Variants in SCYL2 observed in about 807,000 individuals in gnomAD.
SCYL2 encodes the protein SCY1 like pseudokinase 2.
SCYL2 carries 36 observed loss-of-function variants against 100.4 expected under a neutral mutation model. The observed-to-expected ratio is 0.36, with a 90% CI of 0.27 to 0.47. The LOEUF is 0.47. SCYL2 is among the 20% of genes least tolerant of loss of function. The pLI, the probability that SCYL2 is intolerant of heterozygous loss-of-function variation, is 1.00. For missense variants in SCYL2, 902 were observed against 1,083.9 expected (o/e 0.83, Z 2.36); for synonymous variants, 330 against 359.2 (o/e 0.92, Z 0.92).
At chr12:100,291,940 T>G in intron 3 of SCYL2, 1 of 285,478 alleles carries the variant, frequency 3.5e-6, no homozygotes, top group Non-Finnish European at 6.4e-6. Context: ...TACAAGGGTA[T>G]AGAATACAGT....
chr12:100,328,039 A>C (rs1254827688), intron 12 of SCYL2, among the ~76,000 whole-genome samples: 1 of 152,110 alleles, frequency 6.6e-6, no homozygotes, highest in Non-Finnish European at 1.5e-5. Flanking sequence ...GCACTTTGGG[A>C]GGCCAAGGTG....
chr12:100,294,736 C>T lies in SCYL2; in HGVS notation c.335+3076C>T, dbSNP rs1174467033. 1.3e-4 allele frequency among the ~76,000 whole-genome samples: 16 copies of T among 123,024 alleles called. 1 individual carries two copies. Among genetic ancestry groups the T allele is most frequent in the Middle Eastern group, 6.8e-3 (1 of 146 alleles). 80.7% of individuals were successfully genotyped at this position (123,024 alleles called of 152,430 possible). A position where few individuals can be genotyped will look rare whatever the true frequency, so the allele number is the denominator to read the frequency against. On this transcript the variant is annotated intron_variant, in intron 3 of 17. Coordinates refer to ENST00000360820, the MANE Select transcript of SCYL2 (RefSeq NM_017988.6). ...CTCCCTCCCGGACGGGGTGGCTGGC[C>T]GGGTGGGGGGCTGACCCCCCCACCT...
rs1555320617 is a variant in SCYL2, at chr12:100,317,821, C to CA, written c.1297dup (p.Met433AsnfsTer11). 6.9e-6 allele frequency: 11 copies of CA among 1,598,104 alleles called. No individual in the cohort carries two copies. The highest frequency in any genetic ancestry group is 9.3e-6 in the Non-Finnish European group (11 of 1,176,554). ...TAAACAGATTTTGTTAATTTTCCTACAAAAAATGGATTTGCTACTAACCAA... is the reference window on the plus strand; with the variant it reads ...TAAACAGATTTTGTTAATTTTCCTACAAAAAAATGGATTTGCTACTAACCAA... On this transcript the variant is annotated frameshift_variant, in exon 10 of 18. Coordinates refer to ENST00000360820, the MANE Select transcript of SCYL2 (RefSeq NM_017988.6). LOFTEE classifies it high-confidence loss of function.
chr12:100,290,606 T>G (rs1456332870), intron 2 of SCYL2, among the ~76,000 whole-genome samples: 3 of 152,138 alleles, frequency 2.0e-5, no homozygotes, highest in Non-Finnish European at 4.4e-5. Context: ...AATAGAAAAC[T>G]AATTGTCTTG....
At chr12:100,332,107 C>T (rs1285572486) in intron 13 of SCYL2, among the ~76,000 whole-genome samples, 1 of 152,144 alleles carries the variant, frequency 6.6e-6, no homozygotes, top group Non-Finnish European at 1.5e-5. Flanking sequence ...AAACCAGGCA[C>T]AAGCTTCTAG....
chr12:100,329,185 C>G lies in SCYL2; in HGVS notation c.1643-16C>G. 1 of 1,209,190 alleles carries G rather than the reference C, an allele frequency of 8.3e-7. No individual in the cohort carries two copies. The highest frequency in any genetic ancestry group is 2.3e-5 in the East Asian group (1 of 42,916). The allele number at this position is 1,209,190 out of a possible 1,614,324, so 74.9% of individuals were successfully genotyped here. On this transcript the variant is annotated splice_polypyrimidine_tract_variant and intron_variant, in intron 12 of 17. Coordinates refer to ENST00000360820, the MANE Select transcript of SCYL2 (RefSeq NM_017988.6). ...TGGTGTTAACTTATAAAATTTGTCA[C>G]ATTCTTTTCTATCAGGTATTTACAA... is the stretch of plus-strand genomic sequence containing the variant.
intron 4 of SCYL2, among the ~76,000 whole-genome samples, chr12:100,304,573 C>T (rs2096331782): frequency 6.6e-6 from 1 of 152,180 alleles, no homozygotes; most frequent in African/African-American, 2.4e-5. Flanking sequence ...CTTCAGCTTG[C>T]CCTCTGTGGG....
chr12:100,312,116 CTCTA>C lies in SCYL2; in HGVS notation c.631-312_631-309del, dbSNP rs147833075. ...GAAAGAACAAATTGCAAACAACAGT[CTCTA>C]TCTGAGCTCATACAACTTTTGAAGC... On this transcript the variant is annotated intron_variant, in intron 5 of 17. Coordinates refer to ENST00000360820, the MANE Select transcript of SCYL2 (RefSeq NM_017988.6). Among the ~76,000 whole-genome samples the C allele has an allele frequency of 7.9e-3, 1,208 of 152,268 alleles. 16 individuals are homozygous for C. The highest frequency in any genetic ancestry group is 0.027 in the African/African-American group (1,110 of 41,522).
chr12:100,332,719 T>G (rs1227702918), intron 13 of SCYL2, among the ~76,000 whole-genome samples: 3 of 97,472 alleles, frequency 3.1e-5, no homozygotes, highest in Non-Finnish European at 7.0e-5. Flanking sequence ...TTTATTTTTG[T>G]TTTTTTTTTT....
chr12:100,287,881 C>G (rs961460385), intron 2 of SCYL2, among the ~76,000 whole-genome samples: 2 of 152,106 alleles, frequency 1.3e-5, no homozygotes, highest in African/African-American at 4.8e-5. Flanking sequence ...TATTTACTAT[C>G]AGTAAGCAAT....
At chr12:100,281,035 T>G (rs954131530) in intron 1 of SCYL2, among the ~76,000 whole-genome samples, 4 of 136,008 alleles carry the variant, frequency 2.9e-5, no homozygotes, top group African/African-American at 1.1e-4. Flanking sequence ...TTTTTTTTTT[T>G]TTTTTTTTTT....
intron 10 of SCYL2, among the ~76,000 whole-genome samples, chr12:100,320,950 C>CAA (rs2096355136): frequency 1.3e-5 from 2 of 151,928 alleles, no homozygotes; most frequent in Admixed American, 1.3e-4. Context: ...ACTCTGTTGC[C>CAA]CAGGCTTGAG....
intron 4 of SCYL2, among the ~76,000 whole-genome samples, chr12:100,300,189 C>T (rs149752283): frequency 1.2e-3 from 177 of 152,188 alleles, no homozygotes; most frequent in African/African-American, 4.1e-3. Flanking sequence ...AGATACTTTG[C>T]CCATTTTTTT....
chr12:100,314,747 C>A, intron 8 of SCYL2, 133 bp downstream of exon 8: 1 of 861,214 alleles, frequency 1.2e-6, no homozygotes. Flanking sequence ...AAAACACTGC[C>A]AACTGAAGCC....
chr12:100,298,234 A>G (rs2096323313), intron 4 of SCYL2, 59 bp downstream of exon 4: 5 of 1,257,856 alleles, frequency 4.0e-6, no homozygotes, highest in South Asian at 1.5e-5. Flanking sequence ...TGGTTTTGGC[A>G]TTTCAAACTT....
intron 14 of SCYL2, 84 bp from the exon 15 acceptor site, chr12:100,335,541 C>T (rs1390107941): frequency 3.1e-6 from 3 of 966,700 alleles, no homozygotes; most frequent in Non-Finnish European, 4.7e-6. Flanking sequence ...TAATAAATTC[C>T]ATGTGAATAA....
At chr12:100,327,219 C>G in intron 12 of SCYL2, 3 of 390,900 alleles carry the variant, frequency 7.7e-6, no homozygotes, top group South Asian at 3.9e-5. Context: ...ATAAGTGATT[C>G]AAGATCATAT....
intron 1 of SCYL2, among the ~76,000 whole-genome samples, chr12:100,280,017 A>G (rs1022387670): frequency 6.6e-6 from 1 of 152,204 alleles, no homozygotes; most frequent in Non-Finnish European, 1.5e-5. Context: ...TCAGCTAGAT[A>G]GCTACTTGGA....
At chr12:100,296,716 G>T (rs2096321180) in intron 3 of SCYL2, 1 of 151,538 alleles carries the variant, frequency 6.6e-6, no homozygotes, top group African/African-American at 2.4e-5. Context: ...ACCTAGCAGA[G>T]AAGACACTAT....
Sources: gnomAD v4.1 joint callset for allele counts (sites outside exome capture counted in the v4.1 genomes callset) on GRCh38, gnomAD v4.1.1 for gene constraint, MANE v1.5 for transcripts, NCBI Gene and HGNC (gene_info 2026-07-23, HGNC 2026-07-21) for gene names.